TMEM132B: variants seen among roughly 807,000 people sequenced by gnomAD.
TMEM132B encodes the protein transmembrane protein 132B.
In TMEM132B, 18 loss-of-function variants were observed where a neutral mutation model predicts 90.8. That is an observed-to-expected ratio of 0.20 (90% confidence interval 0.14 to 0.29). The LOEUF is 0.29. TMEM132B is among the 10% of genes least tolerant of loss of function. The pLI is 1.00. For missense variants in TMEM132B, 1,096 were observed against 1,326.8 expected, an observed-to-expected ratio of 0.83 and a Z score of 2.70; for synonymous variants, 504 against 523.3, an observed-to-expected ratio of 0.96 and a Z score of 0.50.
chr12:125,317,259 T>C (rs1160113031), intron 1 of TMEM132B, among the ~76,000 whole-genome samples: 1 of 152,178 alleles, frequency 6.6e-6, no homozygotes, highest in African/African-American at 2.4e-5. Context: ...TCAAAGCGAT[T>C]GGAAGCACCT....
intron 1 of TMEM132B, among the ~76,000 whole-genome samples, chr12:125,278,387 T>C (rs981575161): frequency 6.6e-6 from 1 of 152,014 alleles, no homozygotes; most frequent in Admixed American, 6.6e-5. Context: ...TGTTTTTAAG[T>C]GAGGGCAACA....
chr12:125,361,917 T>C (rs557513403), intron 2 of TMEM132B, among the ~76,000 whole-genome samples: 1 of 152,364 alleles, frequency 6.6e-6, no homozygotes, highest in African/African-American at 2.4e-5. Flanking sequence ...AGATCACAAC[T>C]TTGGAAAATT....
At chr12:125,557,222 A>T (rs1463296446) in intron 4 of TMEM132B, among the ~76,000 whole-genome samples, 1 of 152,110 alleles carries the variant, frequency 6.6e-6, no homozygotes, top group African/African-American at 2.4e-5. Flanking sequence ...ACCTTAGAAG[A>T]CTTTCTAAGT....
chr12:125,336,463 C>A (rs1378727437), intron 1 of TMEM132B, among the ~76,000 whole-genome samples: 1 of 152,216 alleles, frequency 6.6e-6, no homozygotes, highest in Admixed American at 6.5e-5. Context: ...TGAAGCCAGC[C>A]TATGCCAGCT....
At chr12:125,390,282 A>G (rs1000268362) in intron 2 of TMEM132B, among the ~76,000 whole-genome samples, 1 of 152,260 alleles carries the variant, frequency 6.6e-6, no homozygotes, top group Non-Finnish European at 1.5e-5. Flanking sequence ...CAGTATATTC[A>G]TGCAGTGAGA....
intron 1 of TMEM132B, among the ~76,000 whole-genome samples, chr12:125,187,169 GC>G (rs1474172905): frequency 6.6e-6 from 1 of 152,256 alleles, no homozygotes; most frequent in East Asian, 1.9e-4. Context: ...CAGGAATCGA[GC>G]CCCCTCCCCG....
intron 3 of TMEM132B, among the ~76,000 whole-genome samples, chr12:125,487,005 A>T (rs913335833): frequency 1.3e-5 from 2 of 152,316 alleles, no homozygotes; most frequent in Non-Finnish European, 1.5e-5. Context: ...TTCCGAAACC[A>T]TAAGGAACCT....
chr12:125,352,638 T>C (rs1170591257), intron 2 of TMEM132B, among the ~76,000 whole-genome samples: 3 of 152,234 alleles, frequency 2.0e-5, no homozygotes, highest in African/African-American at 7.2e-5. Context: ...CCTCAGTGAA[T>C]GTTAGCCTAT....
At chr12:125,221,234 C>T (rs1366566668) in intron 1 of TMEM132B, among the ~76,000 whole-genome samples, 2 of 152,164 alleles carry the variant, frequency 1.3e-5, no homozygotes, top group Non-Finnish European at 2.9e-5. Flanking sequence ...TAGATATATA[C>T]CCAGGACCTA....
chr12:125,437,151 G>A (rs1880730889), intron 3 of TMEM132B, among the ~76,000 whole-genome samples: 1 of 152,156 alleles, frequency 6.6e-6, no homozygotes, highest in Non-Finnish European at 1.5e-5. Flanking sequence ...CACTCAGGAG[G>A]GGCTGCCTGG....
At chr12:125,296,630 G>A (rs923421591) in intron 1 of TMEM132B, among the ~76,000 whole-genome samples, 3 of 152,232 alleles carry the variant, frequency 2.0e-5, no homozygotes, top group Admixed American at 6.5e-5. Flanking sequence ...CCCATGAGGG[G>A]AAGAATGGCT....
At chr12:125,618,935 G>A (rs1323186431) in intron 5 of TMEM132B, among the ~76,000 whole-genome samples, 1 of 152,182 alleles carries the variant, frequency 6.6e-6, no homozygotes. Flanking sequence ...TAAATTTATG[G>A]TAATTTCTGA....
At chr12:125,270,112 T>TTGTGTGTATGTG (rs1874795884) in intron 1 of TMEM132B, among the ~76,000 whole-genome samples, 1 of 143,144 alleles carries the variant, frequency 7.0e-6, no homozygotes, top group Non-Finnish European at 1.5e-5. Flanking sequence ...CACATCTTTG[T>TTGTGTGTATGTG]TGTGTGTGTG....
chr12:125,485,241 C>A (rs1263160571), intron 3 of TMEM132B, among the ~76,000 whole-genome samples: 10 of 152,206 alleles, frequency 6.6e-5, no homozygotes, highest in Non-Finnish European at 1.5e-5. Context: ...CTATAAATGG[C>A]CTTCTATTTT....
At chr12:125,424,325 T>C (rs1880254031) in intron 3 of TMEM132B, among the ~76,000 whole-genome samples, 1 of 152,218 alleles carries the variant, frequency 6.6e-6, no homozygotes, top group Non-Finnish European at 1.5e-5. Context: ...TTGTCCTGCC[T>C]GTTTACAGGG....
At chr12:125,356,830 C>T (rs1406509428) in intron 2 of TMEM132B, among the ~76,000 whole-genome samples, 7 of 152,236 alleles carry the variant, frequency 4.6e-5, no homozygotes, top group East Asian at 3.8e-4. Context: ...GCCTCTGCAC[C>T]GGCTTCAATA....
At chr12:125,624,396 C>G (rs1326624790) in intron 5 of TMEM132B, among the ~76,000 whole-genome samples, 1 of 152,050 alleles carries the variant, frequency 6.6e-6, no homozygotes, top group Non-Finnish European at 1.5e-5. Flanking sequence ...CTACAATGTT[C>G]CAGGCCCCAT....
At chr12:125,480,308 A>G (rs979820754) in intron 3 of TMEM132B, among the ~76,000 whole-genome samples, 4 of 152,120 alleles carry the variant, frequency 2.6e-5, no homozygotes, top group Admixed American at 6.5e-5. Context: ...CAAAAAATCA[A>G]TGAATCCAGG....
chr12:125,563,803 A>G (rs1451209778), intron 4 of TMEM132B, among the ~76,000 whole-genome samples: 2 of 152,166 alleles, frequency 1.3e-5, no homozygotes, highest in Admixed American at 1.3e-4. Flanking sequence ...TACAGAGAAG[A>G]AGGCCATGTG....
Sources: gnomAD v4.1 joint callset for allele counts (sites outside exome capture counted in the v4.1 genomes callset) on GRCh38, gnomAD v4.1.1 for gene constraint, MANE v1.5 for transcripts, NCBI Gene and HGNC (gene_info 2026-07-23, HGNC 2026-07-21) for gene names.